CSNK1G1: variants seen among roughly 807,000 people sequenced by gnomAD.
CSNK1G1 encodes the protein casein kinase I isoform gamma-1.
CSNK1G1 carries 22 observed loss-of-function variants against 59.6 expected under a neutral mutation model. The observed-to-expected ratio is 0.37, with a 90% confidence interval of 0.26 to 0.53. The LOEUF (loss-of-function observed/expected upper bound fraction) is 0.53, where lower values mean the gene tolerates loss of function less well. CSNK1G1 is among the 20% of genes least tolerant of loss of function. CSNK1G1 has a pLI of 0.89. For missense variants in CSNK1G1, 384 were observed against 519.5 expected (o/e 0.74, Z 2.54); for synonymous variants, 179 against 177.1 (o/e 1.01, Z -0.08).
intron 1 of CSNK1G1, among the ~76,000 whole-genome samples, chr15:64,325,526 TA>T (rs1371790300): frequency 1.3e-5 from 2 of 152,204 alleles, no homozygotes; most frequent in Non-Finnish European, 2.9e-5. Context: ...AAAAATTATA[TA>T]ATCATTTCTA....
chr15:64,275,266 T>C (rs1019890269), intron 2 of CSNK1G1, among the ~76,000 whole-genome samples: 3 of 152,278 alleles, frequency 2.0e-5, no homozygotes, highest in African/African-American at 7.2e-5. Flanking sequence ...CTCAAACTCC[T>C]GACCTCAGGT....
At chr15:64,193,745 GA>G (rs1421182377) in intron 10 of CSNK1G1, among the ~76,000 whole-genome samples, 1 of 152,110 alleles carries the variant, frequency 6.6e-6, no homozygotes, top group Admixed American at 6.5e-5. Context: ...GACGCTTTTA[GA>G]AAAATCACGG....
intron 4 of CSNK1G1, among the ~76,000 whole-genome samples, chr15:64,239,733 A>C (rs1455954296): frequency 4.6e-5 from 7 of 152,218 alleles, no homozygotes; most frequent in African/African-American, 1.2e-4. Flanking sequence ...ACAGACAAGT[A>C]AGTCAACAAA....
In CSNK1G1 at chr15:64,243,110, G is replaced by A. The variant is rs1011456022; in HGVS notation, c.292+8402C>T. 2.6e-5 allele frequency among the ~76,000 whole-genome samples: 4 copies of A among 152,134 alleles called. No homozygotes were observed. The East Asian group carries it at 7.7e-4, about 29-fold the overall frequency. On this transcript the variant is annotated intron_variant, in intron 4 of 11. Coordinates refer to ENST00000303052, the MANE Select transcript of CSNK1G1 (RefSeq NM_022048.5). ...AAGCACTTTGGGAGGCTTTGAGGAG[G>A]GCGGATCATGAGGTCAAGAGATCGA...
intron 1 of CSNK1G1, among the ~76,000 whole-genome samples, chr15:64,327,528 C>T (rs956403763): frequency 1.5e-5 from 2 of 135,210 alleles, no homozygotes; most frequent in Non-Finnish European, 3.2e-5. Context: ...ATCTGTACAT[C>T]ACCATCATCA....
intron 4 of CSNK1G1, among the ~76,000 whole-genome samples, chr15:64,241,791 A>G (rs1382590184): frequency 2.0e-5 from 3 of 151,976 alleles, no homozygotes; most frequent in East Asian, 1.9e-4. Flanking sequence ...CTAATGATGC[A>G]TATCAAGAAA....
At chr15:64,242,421 C>G (rs7175456) in intron 4 of CSNK1G1, among the ~76,000 whole-genome samples, 29,266 of 152,012 alleles carry the variant, frequency 0.19, 3,896 homozygotes, top group African/African-American at 0.38. Flanking sequence ...AGTCACTCTT[C>G]TTCCTACTTT....
chr15:64,205,464 T>C (rs548240344), intron 7 of CSNK1G1, among the ~76,000 whole-genome samples: 2,402 of 152,316 alleles, frequency 0.016, 40 homozygotes, highest in Middle Eastern at 0.041. Context: ...AAAAGTTGTC[T>C]ATGGTACAGC....
chr15:64,201,414 A>C (rs114480095), intron 10 of CSNK1G1, among the ~76,000 whole-genome samples: 1,881 of 152,206 alleles, frequency 0.012, 28 homozygotes, highest in African/African-American at 0.044. Flanking sequence ...TTAAAAAGGG[A>C]GGGATGGGAG....
chr15:64,263,930 T>C (rs1376749587), intron 2 of CSNK1G1, among the ~76,000 whole-genome samples: 1 of 150,974 alleles, frequency 6.6e-6, no homozygotes, highest in Non-Finnish European at 1.5e-5. Context: ...TATTTATGCA[T>C]ATATTTTTTA....
intron 2 of CSNK1G1, among the ~76,000 whole-genome samples, chr15:64,270,482 G>A (rs111879664): frequency 7.9e-5 from 12 of 152,128 alleles, no homozygotes; most frequent in African/African-American, 2.2e-4. Context: ...AGCTGTGGCC[G>A]GGCGCAGTGG....
At chr15:64,253,908 G>C (rs1482782438) in intron 3 of CSNK1G1, among the ~76,000 whole-genome samples, 1 of 152,130 alleles carries the variant, frequency 6.6e-6, no homozygotes, top group African/African-American at 2.4e-5. Flanking sequence ...GGGAGGCTGA[G>C]GCGGGTGGAT....
chr15:64,297,567 C>T (rs1246217725), intron 2 of CSNK1G1, among the ~76,000 whole-genome samples: 1 of 151,800 alleles, frequency 6.6e-6, no homozygotes, highest in Non-Finnish European at 1.5e-5. Context: ...ATTAGCTGGG[C>T]GTGTTCTTAT....
At chr15:64,213,253 AGG>A (rs1567376427) in intron 6 of CSNK1G1, among the ~76,000 whole-genome samples, 1 of 152,148 alleles carries the variant, frequency 6.6e-6, no homozygotes, top group African/African-American at 2.4e-5. Context: ...GGATAAGCCT[AGG>A]GCTCTGCCTG....
chr15:64,318,430 T>A (rs1303390747), intron 1 of CSNK1G1, among the ~76,000 whole-genome samples: 1 of 152,140 alleles, frequency 6.6e-6, no homozygotes, highest in Non-Finnish European at 1.5e-5. Context: ...ACTCTGAAGT[T>A]TTCTTTGCTA....
chr15:64,280,040 A>C (rs1894038102), intron 2 of CSNK1G1, among the ~76,000 whole-genome samples: 1 of 152,090 alleles, frequency 6.6e-6, no homozygotes, highest in African/African-American at 2.4e-5. Context: ...AAAATGTGGT[A>C]TATTCATACA....
chr15:64,354,739 G>C (rs750141392), intron 1 of CSNK1G1, among the ~76,000 whole-genome samples: 6 of 152,064 alleles, frequency 3.9e-5, no homozygotes, highest in African/African-American at 1.2e-4. Flanking sequence ...TTTAAAATGG[G>C]ATGTTACTTA....
chr15:64,337,299 A>T (rs544008383), intron 1 of CSNK1G1, among the ~76,000 whole-genome samples: 12 of 152,252 alleles, frequency 7.9e-5, no homozygotes, highest in African/African-American at 2.9e-4. Context: ...TGAGAGTGAA[A>T]CTTCATCACC....
intron 1 of CSNK1G1, among the ~76,000 whole-genome samples, chr15:64,312,750 CA>C (rs1349521389): frequency 6.6e-6 from 1 of 152,150 alleles, no homozygotes; most frequent in Non-Finnish European, 1.5e-5. Context: ...CCAAAATTGA[CA>C]AATGGGATCT....
Sources: gnomAD v4.1 joint callset for allele counts (sites outside exome capture counted in the v4.1 genomes callset) on GRCh38, gnomAD v4.1.1 for gene constraint, MANE v1.5 for transcripts, NCBI Gene and HGNC (gene_info 2026-07-23, HGNC 2026-07-21) for gene names.